Variants in DSCAM observed in about 807,000 individuals in gnomAD.
DSCAM encodes the protein DS cell adhesion molecule, also known as cell adhesion molecule DSCAM.
Under a neutral mutation model 217.7 loss-of-function variants are expected in DSCAM, and 47 were observed. The ratio of observed to expected loss-of-function variants is 0.22; its 90% CI spans 0.17 to 0.28. The LOEUF is 0.28. Ranked by LOEUF, DSCAM falls within the 10% of genes least tolerant of loss-of-function variation. The probability of loss-of-function intolerance (pLI) is 1.00; values close to 1 mark genes in which losing one functional copy is unlikely to be tolerated. For missense variants in DSCAM, 2,080 were observed against 2,618.3 expected (o/e 0.79, Z 4.49); for synonymous variants, 1,056 against 1,015.3 (o/e 1.04, Z -0.76).
chr21:40,590,014 A>C (rs2146240971), intron 3 of DSCAM, among the ~76,000 whole-genome samples: 1 of 152,328 alleles, frequency 6.6e-6, no homozygotes, highest in East Asian at 1.9e-4. Flanking sequence ...TCTTCCTGAG[A>C]ACTGAATTGG....
intron 3 of DSCAM, among the ~76,000 whole-genome samples, chr21:40,431,122 T>C (rs2075527377): frequency 6.6e-6 from 1 of 152,232 alleles, no homozygotes; most frequent in African/African-American, 2.4e-5. Context: ...TCATTATCTC[T>C]CATTTAAAAG....
intron 3 of DSCAM, among the ~76,000 whole-genome samples, chr21:40,645,406 G>A (rs1036279209): frequency 6.6e-6 from 1 of 152,138 alleles, no homozygotes; most frequent in African/African-American, 2.4e-5. Flanking sequence ...GATACATAAA[G>A]ATGAAATTCA....
intron 3 of DSCAM, among the ~76,000 whole-genome samples, chr21:40,584,648 A>C (rs2076930241): frequency 6.6e-6 from 1 of 152,114 alleles, no homozygotes; most frequent in Non-Finnish European, 1.5e-5. Context: ...GCAGGGCCCA[A>C]ACATGGCAGC....
chr21:40,636,252 A>G (rs975286588), intron 3 of DSCAM, among the ~76,000 whole-genome samples: 2 of 152,098 alleles, frequency 1.3e-5, no homozygotes, highest in Admixed American at 1.3e-4. Context: ...CAAGACATTT[A>G]TGCGGAGCTC....
intron 3 of DSCAM, among the ~76,000 whole-genome samples, chr21:40,437,867 A>G (rs576006589): frequency 6.6e-6 from 1 of 152,254 alleles, no homozygotes; most frequent in East Asian, 1.9e-4. Flanking sequence ...ACAAAAGAAA[A>G]AAAGAAGAAG....
chr21:40,363,839 C>A (rs1022471938), intron 4 of DSCAM, among the ~76,000 whole-genome samples: 7 of 152,038 alleles, frequency 4.6e-5, no homozygotes, highest in Non-Finnish European at 7.4e-5. Flanking sequence ...ACAAGAAAAA[C>A]AAACAACACC....
intron 30 of DSCAM, 33 bp from the exon 31 acceptor site, chr21:40,044,308 T>C (rs2088807971): frequency 6.3e-7 from 1 of 1,595,834 alleles, no homozygotes; most frequent in African/African-American, 1.3e-5. Flanking sequence ...TCTGCCTTTG[T>C]CTGCAGGAGT....
intron 3 of DSCAM, among the ~76,000 whole-genome samples, chr21:40,485,475 C>CTCG (rs1378284960): frequency 6.6e-6 from 1 of 151,888 alleles, no homozygotes; most frequent in Non-Finnish European, 1.5e-5. Context: ...ATCTCCTGAC[C>CTCG]TCGTGATCCG....
chr21:40,633,686 T>C (rs1290624417), intron 3 of DSCAM, among the ~76,000 whole-genome samples: 2 of 152,288 alleles, frequency 1.3e-5, no homozygotes, highest in African/African-American at 4.8e-5. Flanking sequence ...GAGAATAAGA[T>C]GGCTGCTCAG....
intron 3 of DSCAM, among the ~76,000 whole-genome samples, chr21:40,585,330 A>G (rs2076937124): frequency 5.7e-5 from 3 of 52,530 alleles, no homozygotes; most frequent in Non-Finnish European, 1.5e-4. Flanking sequence ...TTAAAGAAAA[A>G]TGCTGCGTGA....
intron 11 of DSCAM, among the ~76,000 whole-genome samples, chr21:40,204,324 T>C (rs911789464): frequency 1.2e-4 from 19 of 152,234 alleles, no homozygotes; most frequent in African/African-American, 4.1e-4. Context: ...TGTGTGTTTA[T>C]GTTCATACCT....
intron 14 of DSCAM, among the ~76,000 whole-genome samples, chr21:40,180,294 G>T (rs1279010974): frequency 1.3e-5 from 2 of 152,174 alleles, no homozygotes; most frequent in African/African-American, 4.8e-5. Flanking sequence ...AAATGCAAGA[G>T]ATTTTCTGGA....
Position 40,262,804 on chromosome 21 carries a change from G to T in DSCAM, c.2356+13293C>A, listed in dbSNP as rs184797805. Among the ~76,000 whole-genome samples the T allele has an allele frequency of 1.5e-3, 230 of 152,332 alleles. 3 individuals carry two copies. The highest frequency in any genetic ancestry group is 7.7e-3 in the South Asian group (37 of 4,828). On this transcript the variant is annotated intron_variant, in intron 11 of 32. Coordinates refer to ENST00000400454, the MANE Select transcript of DSCAM (RefSeq NM_001389.5). ...TTGGGAATCCCAGCTCAGAGGCTTG[G>T]CTGACTGTGCCTAATACCGTGCTTG...
At chr21:40,598,791 C>A (rs1213922965) in intron 3 of DSCAM, among the ~76,000 whole-genome samples, 1 of 152,130 alleles carries the variant, frequency 6.6e-6, no homozygotes, top group Non-Finnish European at 1.5e-5. Flanking sequence ...GCGTGAGCCA[C>A]CGCGACTGGC....
At chr21:40,632,514 A>G (rs1357926932) in intron 3 of DSCAM, among the ~76,000 whole-genome samples, 1 of 152,236 alleles carries the variant, frequency 6.6e-6, no homozygotes, top group Non-Finnish European at 1.5e-5. Context: ...TAAAACATAT[A>G]AAGGACACGA....
At position 40,312,369 on chromosome 21, in the gene DSCAM, AAAAG is replaced by A; in HGVS notation, c.1784-14_1784-11del. 4 of 1,611,840 alleles carry A rather than the reference AAAAG, an allele frequency of 2.5e-6. No homozygotes were observed. The highest frequency in any genetic ancestry group is 3.4e-6 in the Non-Finnish European group (4 of 1,178,506). On this transcript the variant is annotated splice_polypyrimidine_tract_variant and intron_variant, in intron 8 of 32. Transcript: ENST00000400454. ...TGTATGAAAGGCGGAACTGCAAGAA[AAAAG>A]AAAGATAATAACGAACTGTGCTTAT...
intron 6 of DSCAM, among the ~76,000 whole-genome samples, chr21:40,347,063 G>A (rs2074565826): frequency 6.6e-6 from 1 of 152,068 alleles, no homozygotes; most frequent in South Asian, 2.1e-4. Context: ...CACTTTGGGG[G>A]GCCGAGGCGG....
At chr21:40,296,612 A>G (rs2073956822) in intron 9 of DSCAM, among the ~76,000 whole-genome samples, 1 of 152,080 alleles carries the variant, frequency 6.6e-6, no homozygotes. Context: ...CAAGCAGATC[A>G]CCTGAGGCCT....
intron 1 of DSCAM, among the ~76,000 whole-genome samples, chr21:40,719,533 C>T (rs1485921770): frequency 6.6e-6 from 1 of 152,204 alleles, no homozygotes; most frequent in East Asian, 1.9e-4. Flanking sequence ...TTGTAACAGT[C>T]ACAAACTGAA....
Sources: allele counts gnomAD v4.1 joint callset (sites outside exome capture counted in the v4.1 genomes callset), GRCh38; gene constraint gnomAD v4.1.1; transcripts MANE v1.5; gene names NCBI Gene and HGNC (gene_info 2026-07-23, HGNC 2026-07-21).